ZHX2: variants seen among roughly 807,000 people sequenced by gnomAD.
ZHX2 encodes zinc fingers and homeoboxes protein 2.
Under a neutral mutation model 21.9 loss-of-function variants are expected in ZHX2, and 6 were observed. The ratio of observed to expected loss-of-function variants is 0.27; its 90% CI spans 0.15 to 0.54. ZHX2 has a LOEUF of 0.54. Among genes scored for constraint, ZHX2 ranks in the 20% least tolerant of loss-of-function variants. The pLI is 0.95. For missense variants in ZHX2, 908 were observed against 1,090.7 expected, an observed-to-expected ratio of 0.83 and a Z score of 2.36; for synonymous variants, 434 against 437.1, an observed-to-expected ratio of 0.99 and a Z score of 0.09.
chr8:122,857,750 ACT>A (rs1453412186), intron 1 of ZHX2, among the ~76,000 whole-genome samples: 1 of 151,994 alleles, frequency 6.6e-6, no homozygotes, highest in Non-Finnish European at 1.5e-5. Flanking sequence ...TACTCTTATG[ACT>A]CTGGGCAACT....
chr8:122,916,736 C>G lies in ZHX2; in HGVS notation c.-219-34556C>G, dbSNP rs146371591. On this transcript the variant is annotated intron_variant, in intron 2 of 3. Coordinates refer to ENST00000314393, the MANE Select transcript of ZHX2 (RefSeq NM_014943.5). The stretch of plus-strand genomic sequence containing the variant: ...TCTCCTAAATCCTAATTCCTTCCTT[C>G]CATCCATCCTATCGTTTAACCTTTT... 2.8e-3 allele frequency among the ~76,000 whole-genome samples: 431 copies of G among 152,222 alleles called. 3 individuals are homozygous for G. Among genetic ancestry groups the G allele is most frequent in the Non-Finnish European group, 3.5e-3 (238 of 68,020 alleles).
intron 1 of ZHX2, among the ~76,000 whole-genome samples, chr8:122,835,930 A>T (rs748213996): frequency 1.5e-4 from 23 of 152,104 alleles, no homozygotes; most frequent in Non-Finnish European, 2.6e-4. Flanking sequence ...AAGACACAGC[A>T]CTTAGGGCAG....
At chr8:122,871,728 CA>C (rs35881741) in intron 2 of ZHX2, among the ~76,000 whole-genome samples, 225 of 107,944 alleles carry the variant, frequency 2.1e-3, no homozygotes, top group East Asian at 4.2e-3. Flanking sequence ...TTTCTCAGGG[CA>C]AAAAAAAAAA....
In ZHX2 at chr8:122,951,765, C is replaced by T. The variant is rs1813118985; in HGVS notation, c.255C>T (p.Tyr85=). ...GTTATGAGTGCAAATACTGCCCCTACTCCACGCAAAACCTGAACGAGTTCA... is the reference window on the plus strand; with the variant it reads ...GTTATGAGTGCAAATACTGCCCCTATTCCACGCAAAACCTGAACGAGTTCA... ...QGGYECKYCP[Y]STQNLNEFTE... The change falls in exon 3 of 4, where the codon TAC becomes TAT. Residue 85 remains tyrosine, a synonymous_variant. Coordinates refer to ENST00000314393, the MANE Select transcript of ZHX2 (RefSeq NM_014943.5). 2 of 1,614,158 alleles carry T rather than the reference C, an allele frequency of 1.2e-6. No homozygotes were observed. The highest frequency in any genetic ancestry group is 4.5e-5 in the East Asian group (2 of 44,886).
intron 3 of ZHX2, among the ~76,000 whole-genome samples, chr8:122,969,253 G>A (rs1207137695): frequency 6.6e-6 from 1 of 152,066 alleles, no homozygotes; most frequent in Non-Finnish European, 1.5e-5. Flanking sequence ...GGGGATGTGG[G>A]GAATTTTCAT....
intron 2 of ZHX2, among the ~76,000 whole-genome samples, chr8:122,886,286 T>C (rs915372839): frequency 6.6e-6 from 1 of 152,172 alleles, no homozygotes; most frequent in African/African-American, 2.4e-5. Flanking sequence ...GGCAAAAATA[T>C]GCAGACAGTA....
intron 2 of ZHX2, among the ~76,000 whole-genome samples, chr8:122,886,917 A>G (rs1347041776): frequency 1.3e-5 from 2 of 152,146 alleles, no homozygotes; most frequent in Non-Finnish European, 2.9e-5. Flanking sequence ...TAGTATCTTT[A>G]TTTTATAAGA....
chr8:122,939,626 G>C (rs1812792850), intron 2 of ZHX2, among the ~76,000 whole-genome samples: 1 of 152,162 alleles, frequency 6.6e-6, no homozygotes, highest in Admixed American at 6.5e-5. Flanking sequence ...GAGATGCTTG[G>C]AGATGGAAAA....
chr8:122,897,852 G>A (rs930057517), intron 2 of ZHX2, among the ~76,000 whole-genome samples: 2 of 152,168 alleles, frequency 1.3e-5, no homozygotes, highest in Non-Finnish European at 2.9e-5. Flanking sequence ...AGCGTGTCAG[G>A]ACAGCTTTGT....
intron 2 of ZHX2, among the ~76,000 whole-genome samples, chr8:122,944,846 G>T (rs1009950184): frequency 2.0e-5 from 3 of 152,184 alleles, no homozygotes; most frequent in East Asian, 3.8e-4. Flanking sequence ...GCCTCCGAAT[G>T]TGACTGTATT....
At chr8:122,867,576 A>G (rs1819329626) in intron 2 of ZHX2, among the ~76,000 whole-genome samples, 1 of 152,258 alleles carries the variant, frequency 6.6e-6, no homozygotes, top group South Asian at 2.1e-4. Context: ...TTTGAATTAG[A>G]GAAACTTTGT....
At chr8:122,954,696 G>C (rs778887679) in intron 3 of ZHX2, among the ~76,000 whole-genome samples, 1 of 152,164 alleles carries the variant, frequency 6.6e-6, no homozygotes, top group African/African-American at 2.4e-5. Flanking sequence ...CTGTGCCCAG[G>C]GGGCAGCACC....
intron 1 of ZHX2, among the ~76,000 whole-genome samples, chr8:122,788,294 A>G (rs1185568215): frequency 2.0e-5 from 3 of 152,268 alleles, no homozygotes; most frequent in South Asian, 4.1e-4. Context: ...TTGATGGCTC[A>G]CGCCTGTAAT....
At chr8:122,868,698 C>CAA (rs35306891) in intron 2 of ZHX2, among the ~76,000 whole-genome samples, 11 of 100,614 alleles carry the variant, frequency 1.1e-4, no homozygotes, top group Non-Finnish European at 1.1e-4. Context: ...AAGACTCCGT[C>CAA]AAAAAAAAAA....
At chr8:122,889,932 A>ATGGTT (rs2129856606) in intron 2 of ZHX2, among the ~76,000 whole-genome samples, 1 of 152,224 alleles carries the variant, frequency 6.6e-6, no homozygotes, top group Admixed American at 6.5e-5. Flanking sequence ...CTTCACTCTG[A>ATGGTT]TGGTTTCCTT....
At chr8:122,965,699 C>G (rs573995631) in intron 3 of ZHX2, among the ~76,000 whole-genome samples, 1 of 152,168 alleles carries the variant, frequency 6.6e-6, no homozygotes, top group South Asian at 2.1e-4. Context: ...TCTGTTGTTT[C>G]TTTGTTGGCT....
At chr8:122,847,561 A>G (rs921773231) in intron 1 of ZHX2, among the ~76,000 whole-genome samples, 1 of 152,234 alleles carries the variant, frequency 6.6e-6, no homozygotes, top group Non-Finnish European at 1.5e-5. Flanking sequence ...TGCCAGGCCC[A>G]GTGCCAAGCC....
At chr8:122,830,341 A>G (rs1219752563) in intron 1 of ZHX2, among the ~76,000 whole-genome samples, 3 of 152,140 alleles carry the variant, frequency 2.0e-5, no homozygotes, top group Non-Finnish European at 2.9e-5. Context: ...TTGCTGGCGC[A>G]CACTGCTGGC....
At chr8:122,824,737 A>G (rs989370723) in intron 1 of ZHX2, among the ~76,000 whole-genome samples, 10 of 152,238 alleles carry the variant, frequency 6.6e-5, no homozygotes, top group Admixed American at 4.6e-4. Context: ...CCAAAAACTG[A>G]TGATAGAAAA....
Sources: allele counts gnomAD v4.1 joint callset (sites outside exome capture counted in the v4.1 genomes callset), GRCh38; gene constraint gnomAD v4.1.1; transcripts MANE v1.5; gene names NCBI Gene and HGNC (gene_info 2026-07-23, HGNC 2026-07-21).